ELMO1: variants seen among roughly 807,000 people sequenced by gnomAD.
The protein encoded by ELMO1 is engulfment and cell motility 1, also known as engulfment and cell motility protein 1.
Under a neutral mutation model 98.9 loss-of-function variants are expected in ELMO1, and 26 were observed. The observed-to-expected ratio is 0.26, with a 90% CI of 0.19 to 0.36. The LOEUF is 0.36. ELMO1 is among the 10% of genes least tolerant of loss of function. ELMO1 has a pLI of 1.00. For missense variants in ELMO1, 627 were observed against 935.2 expected (o/e 0.67, Z 4.30); for synonymous variants, 346 against 346.0 (o/e 1.00, Z 0.00).
intron 15 of ELMO1, among the ~76,000 whole-genome samples, chr7:37,073,565 T>G (rs191867339): frequency 1.6e-4 from 24 of 149,154 alleles, no homozygotes; most frequent in African/African-American, 5.8e-4. Context: ...TTTATTGTTG[T>G]TTTTGTATGT....
chr7:37,191,203 A>G (rs1456614773), intron 13 of ELMO1, among the ~76,000 whole-genome samples: 26 of 151,394 alleles, frequency 1.7e-4, no homozygotes, highest in African/African-American at 2.9e-4. Flanking sequence ...AAAAAAAAAA[A>G]AAAGAAAGAA....
intron 1 of ELMO1, among the ~76,000 whole-genome samples, chr7:37,423,494 C>T (rs187712989): frequency 1.6e-3 from 238 of 152,276 alleles, no homozygotes; most frequent in African/African-American, 5.5e-3. Flanking sequence ...GCAGGAGAAT[C>T]GCTTGAACCC....
intron 13 of ELMO1, 102 bp downstream of exon 13, chr7:37,211,284 A>C: frequency 6.5e-7 from 1 of 1,530,460 alleles, no homozygotes; most frequent in Non-Finnish European, 8.9e-7. Context: ...TATTCCGTAA[A>C]GCGCAAGAGG....
rs540966795 is a variant in ELMO1, at chr7:37,092,978, G to A, written c.1300+3641C>T. On this transcript the variant is annotated intron_variant, in intron 15 of 21. Transcript: ENST00000310758. ...GCTCAGTAAACTCAGATACGCAGTA[G>A]GTGCAAGTAAGTCTTCCCTTCACTA... Among the ~76,000 whole-genome samples, 5 of 150,860 alleles carry A rather than the reference G, an allele frequency of 3.3e-5. No individual in the cohort carries two copies. The South Asian group carries it at 1.0e-3, about 31-fold the overall frequency.
At chr7:37,035,230 T>C (rs1376752260) in intron 15 of ELMO1, among the ~76,000 whole-genome samples, 3 of 152,244 alleles carry the variant, frequency 2.0e-5, no homozygotes, top group African/African-American at 4.8e-5. Flanking sequence ...ATTTCTCCTA[T>C]TAGCTAGACA....
chr7:36,984,922 C>T, intron 16 of ELMO1: 1 of 985,436 alleles, frequency 1.0e-6, no homozygotes, highest in Non-Finnish European at 1.2e-6. Context: ...TACCTTTCCT[C>T]TCCCCGTTCA....
At chr7:37,101,030 T>C (rs1584643848) in intron 14 of ELMO1, among the ~76,000 whole-genome samples, 1 of 152,240 alleles carries the variant, frequency 6.6e-6, no homozygotes, top group East Asian at 1.9e-4. Context: ...TTTATTGTGC[T>C]CTCTCTTCCT....
chr7:36,886,445 A>C (rs1300244343), intron 18 of ELMO1, among the ~76,000 whole-genome samples: 1 of 152,194 alleles, frequency 6.6e-6, no homozygotes, highest in East Asian at 1.9e-4. Context: ...GCTGACAAAC[A>C]CAAAATGATT....
chr7:37,205,290 A>T (rs1792551391), intron 13 of ELMO1, among the ~76,000 whole-genome samples: 1 of 152,212 alleles, frequency 6.6e-6, no homozygotes, highest in Non-Finnish European at 1.5e-5. Context: ...GCTCCTAGGA[A>T]CAATATTAAA....
intron 1 of ELMO1, among the ~76,000 whole-genome samples, chr7:37,346,344 G>C (rs563761610): frequency 6.6e-6 from 1 of 152,268 alleles, no homozygotes; most frequent in East Asian, 1.9e-4. Context: ...CATCCTCTTT[G>C]AGTAATTTTA....
At chr7:37,199,519 C>T (rs1230508695) in intron 13 of ELMO1, among the ~76,000 whole-genome samples, 1 of 152,128 alleles carries the variant, frequency 6.6e-6, no homozygotes, top group East Asian at 1.9e-4. Context: ...AGAAGGAGTC[C>T]ACAGGTCATG....
At chr7:37,327,067 A>G (rs1044554259) in intron 2 of ELMO1, among the ~76,000 whole-genome samples, 6 of 152,246 alleles carry the variant, frequency 3.9e-5, no homozygotes, top group African/African-American at 1.4e-4. Flanking sequence ...TGACAGCAAC[A>G]ACAACCACTT....
chr7:36,899,011 G>A (rs1806274623), intron 16 of ELMO1, among the ~76,000 whole-genome samples: 1 of 152,170 alleles, frequency 6.6e-6, no homozygotes, highest in Non-Finnish European at 1.5e-5. Flanking sequence ...ATGCAGACAG[G>A]CTGAGGTGCA....
intron 4 of ELMO1, among the ~76,000 whole-genome samples, chr7:37,294,334 G>A (rs1797916694): frequency 1.3e-5 from 2 of 150,380 alleles, no homozygotes; most frequent in Admixed American, 6.7e-5. Context: ...TCCAGCCTAG[G>A]TGACTGAGCG....
intron 6 of ELMO1, among the ~76,000 whole-genome samples, chr7:37,256,254 G>T (rs1411912486): frequency 6.6e-6 from 1 of 151,826 alleles, no homozygotes; most frequent in Non-Finnish European, 1.5e-5. Context: ...CAGAGGTTTC[G>T]TCATCCTTGA....
chr7:37,292,899 C>T (rs1395955649), intron 4 of ELMO1, among the ~76,000 whole-genome samples: 16 of 89,102 alleles, frequency 1.8e-4, no homozygotes, highest in African/African-American at 4.9e-4. Context: ...GGCCAGCCGC[C>T]CCGTCCGGGA....
chr7:37,194,924 T>G (rs1394413107), intron 13 of ELMO1, among the ~76,000 whole-genome samples: 1 of 152,218 alleles, frequency 6.6e-6, no homozygotes, highest in Admixed American at 6.5e-5. Flanking sequence ...AATTGATCTA[T>G]TCATTCATTC....
chr7:37,039,678 C>T (rs1050605284), intron 15 of ELMO1, among the ~76,000 whole-genome samples: 12 of 152,170 alleles, frequency 7.9e-5, no homozygotes, highest in South Asian at 2.1e-4. Context: ...TCTTTTTTAG[C>T]CTGAGGCCAG....
intron 1 of ELMO1, among the ~76,000 whole-genome samples, chr7:37,444,475 C>T (rs931647726): frequency 2.6e-5 from 4 of 152,138 alleles, no homozygotes; most frequent in African/African-American, 7.2e-5. Flanking sequence ...TCCAAGATGG[C>T]AGCATGAGGG....
Sources: gnomAD v4.1 joint callset for allele counts (sites outside exome capture counted in the v4.1 genomes callset) on GRCh38, gnomAD v4.1.1 for gene constraint, MANE v1.5 for transcripts, NCBI Gene and HGNC (gene_info 2026-07-23, HGNC 2026-07-21) for gene names.